Variants in MOCOS observed in about 807,000 individuals in gnomAD.
MOCOS encodes molybdenum cofactor sulfurase, also known as human molybdenum cofactor sulfurase.
A neutral mutation model predicts 83.6 loss-of-function variants in MOCOS; 86 were observed. The observed-to-expected ratio is 1.03, with a 90% CI of 0.86 to 1.23. The LOEUF is 1.23. MOCOS is among the 50% of genes most tolerant of loss of function. MOCOS has a pLI of 0.00. For missense variants in MOCOS, 1,120 were observed against 1,126.9 expected (o/e 0.99, Z 0.09); for synonymous variants, 445 against 434.7 (o/e 1.02, Z -0.29).
chr18:36,257,043 T>G lies in MOCOS; in HGVS notation c.2240T>G (p.Ile747Ser). ...TATCTGCTGATCAACACATCCAGTA[T>G]TTTGGAACTTCACCGGCAACTAAAC... ...AQYLLINTSSILELHRQLNTS... is the reference protein window; with the variant it reads ...AQYLLINTSSSLELHRQLNTS... Residue 747 changes from isoleucine to serine, a missense_variant, in exon 12 of 15, where the codon ATT (isoleucine) becomes AGT (serine). Coordinates refer to ENST00000261326, the MANE Select transcript of MOCOS (RefSeq NM_017947.4). 1.2e-6 allele frequency: 2 copies of G among 1,614,094 alleles called. No individual in the cohort carries two copies. Among genetic ancestry groups the G allele is most frequent in the Non-Finnish European group, 1.7e-6 (2 of 1,179,970 alleles).
intron 1 of MOCOS, among the ~76,000 whole-genome samples, chr18:36,193,305 G>A (rs541723695): frequency 0.013 from 1,238 of 94,296 alleles, 11 homozygotes; most frequent in Admixed American, 0.019. Context: ...GCGACAGAGC[G>A]AGACTCCGTC....
At position 36,199,822 on chromosome 18, in the gene MOCOS, TACCTC is replaced by T. The variant is rs1416188135; in HGVS notation, c.443_447del (p.Leu148ArgfsTer35). On this transcript the variant is annotated frameshift_variant, in exon 4 of 15. Transcript: ENST00000261326. LOFTEE classifies it high-confidence loss of function. ...AGAGAGCAGTGGGAGTCGCTTCTGTTACCTCACCGACAGCCACACCTCCGTAGTGG... is the reference window on the plus strand; with the variant it reads ...AGAGAGCAGTGGGAGTCGCTTCTGTTACCGACAGCCACACCTCCGTAGTGG... The T allele has an allele frequency of 2.5e-6, 4 of 1,614,112 alleles. No individual in the cohort carries two copies. Among genetic ancestry groups the T allele is most frequent in the Non-Finnish European group, 3.4e-6 (4 of 1,180,000 alleles).
At chr18:36,197,961 C>T (rs1383626414) in intron 2 of MOCOS, among the ~76,000 whole-genome samples, 1 of 152,170 alleles carries the variant, frequency 6.6e-6, no homozygotes, top group Non-Finnish European at 1.5e-5. Flanking sequence ...TGTATCTCTA[C>T]AATTCTTTTG....
In MOCOS at chr18:36,195,122, G is replaced by C. The variant is rs2091381972; in HGVS notation, c.143-135G>C. On this transcript the variant is annotated intron_variant, in intron 1 of 14. Transcript: ENST00000261326. ...CCTTCCACTGCTCATGCCTACACTT[G>C]GATTAAGAGGCACATATCAAGAGGC... 4 of 761,160 alleles carry C rather than the reference G, an allele frequency of 5.3e-6. No homozygotes were observed. The Admixed American group carries it at 7.7e-5, about 15-fold the overall frequency. 47.2% of individuals were successfully genotyped at this position (761,160 alleles called of 1,614,324 possible).
rs185213469 is a variant in MOCOS at position 36,193,083 on chromosome 18, G to T, written c.143-2174G>T. Among the ~76,000 whole-genome samples the T allele has an allele frequency of 1.1e-4, 17 of 150,134 alleles. 1 individual carries two copies. The highest frequency in any genetic ancestry group is 1.9e-4 in the Non-Finnish European group (13 of 67,586). ...TCCCAGCACTTTGGGAGGCTGAGGCGGGTGGATCATGAGGTCAGGAGATCG... is the reference window on the plus strand; with the variant it reads ...TCCCAGCACTTTGGGAGGCTGAGGCTGGTGGATCATGAGGTCAGGAGATCG... On this transcript the variant is annotated intron_variant, in intron 1 of 14. Transcript: ENST00000261326.
chr18:36,198,747 T>C lies in MOCOS; in HGVS notation c.290T>C (p.Val97Ala), dbSNP rs2091400374. The C allele has an allele frequency of 6.2e-7, 1 of 1,614,188 alleles. No homozygotes were observed. The highest frequency in any genetic ancestry group is 8.5e-7 in the Non-Finnish European group (1 of 1,180,034). ...CTCACCCATGACACTGTGGAGCAGG[T>C]GCGCTACAGGTAAGCATCAGGGACA... ...SKLTHDTVEQ[V>A]RYRILAHFHT... Residue 97 changes from valine (V) to alanine (A), a missense_variant, in exon 3 of 15, where the codon GTG becomes GCG. By Grantham distance (64) the Val-to-Ala change is moderately conservative. Transcript: ENST00000261326.
At chr18:36,230,577 C>G (rs539662809) in intron 9 of MOCOS, among the ~76,000 whole-genome samples, 2 of 152,326 alleles carry the variant, frequency 1.3e-5, no homozygotes, top group East Asian at 3.9e-4. Context: ...GCTCAAGATG[C>G]TACCTCCATT....
chr18:36,263,007 G>C (rs111587639), intron 13 of MOCOS, among the ~76,000 whole-genome samples: 2,340 of 152,090 alleles, frequency 0.015, 73 homozygotes, highest in African/African-American at 0.053. Flanking sequence ...TACTCAGGAG[G>C]CTGAGGTGGG....
At chr18:36,229,848 A>G (rs554109792) in intron 9 of MOCOS, among the ~76,000 whole-genome samples, 44 of 151,850 alleles carry the variant, frequency 2.9e-4, no homozygotes, top group African/African-American at 1.0e-3. Context: ...CATGATTTCT[A>G]TCTGGTACTT....
intron 6 of MOCOS, among the ~76,000 whole-genome samples, chr18:36,210,871 A>AAAAAAAAAAAAAAAAAAG (rs1352361694): frequency 6.9e-6 from 1 of 145,462 alleles, no homozygotes; most frequent in Non-Finnish European, 1.5e-5. Context: ...AAAAAAAAAA[A>AAAAAAAAAAAAAAAAAAG]AAAAAAAAAG....
intron 9 of MOCOS, among the ~76,000 whole-genome samples, chr18:36,238,733 G>T (rs1425924149): frequency 9.5e-6 from 1 of 105,516 alleles, no homozygotes; most frequent in Non-Finnish European, 2.2e-5. Context: ...TTACAGTGGG[G>T]TGTTAAAGTC....
At chr18:36,247,097 C>T (rs952870281) in intron 9 of MOCOS, among the ~76,000 whole-genome samples, 4 of 152,108 alleles carry the variant, frequency 2.6e-5, no homozygotes, top group Non-Finnish European at 5.9e-5. Flanking sequence ...GGAATTATGG[C>T]TGTTTCTGCT....
chr18:36,220,364 C>T (rs2091491741), intron 9 of MOCOS, 147 bp downstream of exon 9: 7 of 1,067,894 alleles, frequency 6.6e-6, no homozygotes, highest in Admixed American at 2.4e-5. Context: ...AAAAATTATC[C>T]TGGGTGTGGG....
chr18:36,195,226 A>C (rs779685876), intron 1 of MOCOS, 31 bp from the exon 2 acceptor site: 2 of 1,596,736 alleles, frequency 1.3e-6, no homozygotes, highest in Admixed American at 3.3e-5. Flanking sequence ...TTCAGGTAAA[A>C]TTTTAGTATT....
chr18:36,223,896 ATCACAAC>A (rs1459481265), intron 9 of MOCOS, among the ~76,000 whole-genome samples: 25 of 152,170 alleles, frequency 1.6e-4, no homozygotes, highest in Admixed American at 1.6e-3. Context: ...GAGTGGCATG[ATCACAAC>A]TCACTGCAGC....
At position 36,256,955 on chromosome 18, in the gene MOCOS, CCAT is replaced by C. The variant is rs1231984722; in HGVS notation, c.2165-9_2165-7del. On this transcript the variant is annotated splice_polypyrimidine_tract_variant and intron_variant, in intron 11 of 14. Coordinates refer to ENST00000261326, the MANE Select transcript of MOCOS (RefSeq NM_017947.4). ...GAAAGCAACTCTTCTTTTAAATGCTCCATCATTTTCAGATCAACTTCCTGGTAC... is the reference window on the plus strand; with the variant it reads ...GAAAGCAACTCTTCTTTTAAATGCTCCATTTTCAGATCAACTTCCTGGTAC... 1 of 1,600,342 alleles carries C rather than the reference CCAT, an allele frequency of 6.2e-7. No homozygotes were observed. Among genetic ancestry groups the C allele is most frequent in the Non-Finnish European group, 8.6e-7 (1 of 1,167,690 alleles).
chr18:36,269,994 T>C lies in MOCOS; in HGVS notation c.*1309T>C, dbSNP rs1299939619. The C allele has an allele frequency of 5.9e-5, 9 of 152,330 alleles. No homozygotes were observed. Among genetic ancestry groups the C allele is most frequent in the African/African-American group, 2.2e-4 (9 of 41,560 alleles). The allele number at this position is 152,330 out of a possible 1,614,324, so 9.4% of individuals were successfully genotyped here. A position where few individuals can be genotyped will look rare whatever the true frequency, so the allele number is the denominator to read the frequency against. ...GTGTTGTTCCCAGCACTAGGTGAGA[T>C]TTGAAAGATGAGGTGTGCTCTGTTC... On this transcript the variant is annotated 3_prime_UTR_variant, in exon 15 of 15. Coordinates refer to ENST00000261326, the MANE Select transcript of MOCOS (RefSeq NM_017947.4).
chr18:36,271,354 TA>T lies in MOCOS; in HGVS notation c.*2672del, dbSNP rs1249022538. On this transcript the variant is annotated 3_prime_UTR_variant, in exon 15 of 15. Transcript: ENST00000261326. ...TATCATTAATTGATTGAATATTAAT[TA>T]AATATATTTTATTAATTTAAAATGA... is the stretch of plus-strand genomic sequence containing the variant. The T allele has an allele frequency of 3.3e-5, 5 of 152,086 alleles. No homozygotes were observed. Among genetic ancestry groups the T allele is most frequent in the Non-Finnish European group, 7.4e-5 (5 of 68,010 alleles). The allele number at this position is 152,086 out of a possible 1,614,324, so 9.4% of individuals were successfully genotyped here.
intron 9 of MOCOS, among the ~76,000 whole-genome samples, chr18:36,240,989 G>C (rs557699041): frequency 0.018 from 2,670 of 151,268 alleles, 79 homozygotes; most frequent in African/African-American, 0.061. Flanking sequence ...GCCCTGCTTC[G>C]GCTCGCGCAC....
Sources: gnomAD v4.1 joint callset for allele counts (sites outside exome capture counted in the v4.1 genomes callset) on GRCh38, gnomAD v4.1.1 for gene constraint, MANE v1.5 for transcripts, NCBI Gene and HGNC (gene_info 2026-07-23, HGNC 2026-07-21) for gene names.